Variants in MYO9A observed in about 807,000 individuals in gnomAD.
The protein encoded by MYO9A is unconventional myosin-IXa.
Under a neutral mutation model 293.3 loss-of-function variants are expected in MYO9A, and 103 were observed. The observed-to-expected ratio is 0.35, with a 90% CI of 0.30 to 0.41. The LOEUF (loss-of-function observed/expected upper bound fraction) is 0.41. Ranked by LOEUF, MYO9A falls within the 10% of genes least tolerant of loss-of-function variation. The probability of loss-of-function intolerance (pLI) is 1.00; values close to 1 mark genes in which losing one functional copy is unlikely to be tolerated. For synonymous variants in MYO9A, 1,001 were observed against 1,035.7 expected, an observed-to-expected ratio of 0.97 and a Z score of 0.64; for missense variants, 2,685 against 3,033.0, an observed-to-expected ratio of 0.89 and a Z score of 2.69.
intron 18 of MYO9A, among the ~76,000 whole-genome samples, chr15:71,918,045 G>A (rs1325380033): frequency 6.6e-6 from 1 of 152,016 alleles, no homozygotes; most frequent in Non-Finnish European, 1.5e-5. Context: ...AAGATTATCT[G>A]ACAAGGCAAT....
At chr15:72,023,186 T>A (rs890757103) in intron 4 of MYO9A, among the ~76,000 whole-genome samples, 1 of 151,960 alleles carries the variant, frequency 6.6e-6, no homozygotes, top group Non-Finnish European at 1.5e-5. Flanking sequence ...ACAGCAAATA[T>A]GAGTAGGCAG....
chr15:72,013,725 AAG>A (rs1247843082), intron 6 of MYO9A, among the ~76,000 whole-genome samples: 1 of 152,226 alleles, frequency 6.6e-6, no homozygotes, highest in Non-Finnish European at 1.5e-5. Flanking sequence ...GAGGGAGAGA[AAG>A]AGAAGAGTCA....
chr15:71,929,456 G>GA (rs1319362160), intron 18 of MYO9A, among the ~76,000 whole-genome samples: 3 of 152,142 alleles, frequency 2.0e-5, no homozygotes, highest in Non-Finnish European at 4.4e-5. Context: ...TTATATTGAG[G>GA]AACAGTCCTT....
At chr15:72,116,242 T>C (rs578091700) in intron 1 of MYO9A, among the ~76,000 whole-genome samples, 2 of 152,302 alleles carry the variant, frequency 1.3e-5, no homozygotes, top group African/African-American at 4.8e-5. Flanking sequence ...CGTCTAGTTA[T>C]TATCTATAAT....
chr15:72,074,457 G>C (rs1290988434), intron 1 of MYO9A, among the ~76,000 whole-genome samples: 1 of 152,028 alleles, frequency 6.6e-6, no homozygotes, highest in East Asian at 1.9e-4. Flanking sequence ...ATTCCAGAAA[G>C]GAAAAAGCCC....
At chr15:71,904,369 A>G (rs1248019869) in intron 20 of MYO9A, among the ~76,000 whole-genome samples, 1 of 152,196 alleles carries the variant, frequency 6.6e-6, no homozygotes, top group Non-Finnish European at 1.5e-5. Context: ...AAGATAACCT[A>G]CAACTGGGTG....
intron 4 of MYO9A, among the ~76,000 whole-genome samples, chr15:72,023,484 G>A (rs968978401): frequency 6.6e-6 from 1 of 152,034 alleles, no homozygotes; most frequent in Non-Finnish European, 1.5e-5. Flanking sequence ...CCTGAGGTCA[G>A]GAGTTCGAGG....
Position 71,854,526 on chromosome 15 carries a change from G to C in MYO9A, c.6197C>G (p.Ser2066Cys). The C allele has an allele frequency of 6.2e-7, 1 of 1,609,936 alleles. No individual in the cohort carries two copies. The change falls in exon 35 of 42, where the codon TCC (serine) becomes TGC (cysteine). Residue 2066 changes from serine to cysteine, a missense_variant. By Grantham distance (112) the Ser-to-Cys change is moderately radical. Transcript: ENST00000356056. ...AGTTCGGTCTTCACTGGTCAAACGG[G>C]ACAGTTCAACCCCAAATTGTCGAGA... ...LSSRQFGVEL[S>C]RLTSEDRTVP...
intron 32 of MYO9A, among the ~76,000 whole-genome samples, chr15:71,869,523 T>A (rs149572837): frequency 6.6e-6 from 1 of 152,220 alleles, no homozygotes; most frequent in Non-Finnish European, 1.5e-5. Flanking sequence ...CAATTAAGTG[T>A]AACAAATATC....
chr15:72,010,593 C>T (rs1479009637), intron 6 of MYO9A, 146 bp from the exon 7 acceptor site: 11 of 623,628 alleles, frequency 1.8e-5, no homozygotes, highest in Admixed American at 5.8e-5. Flanking sequence ...TAGTCAAATT[C>T]ATTAGACCTC....
intron 14 of MYO9A, among the ~76,000 whole-genome samples, chr15:71,956,292 A>G (rs2059175419): frequency 1.5e-5 from 2 of 137,280 alleles, no homozygotes; most frequent in Non-Finnish European, 3.1e-5. Flanking sequence ...CACATGCAAC[A>G]CAGCGAAACC....
intron 32 of MYO9A, among the ~76,000 whole-genome samples, chr15:71,865,495 T>G (rs1442180616): frequency 2.0e-5 from 3 of 152,126 alleles, no homozygotes. Context: ...TACTGACACA[T>G]GCTACAACAC....
intron 1 of MYO9A, among the ~76,000 whole-genome samples, chr15:72,093,322 G>C (rs1189167204): frequency 6.6e-6 from 1 of 152,004 alleles, no homozygotes; most frequent in Non-Finnish European, 1.5e-5. Context: ...GAGCCCAGGA[G>C]TTCAACACCA....
At chr15:71,943,089 T>C (rs1260060411) in intron 15 of MYO9A, among the ~76,000 whole-genome samples, 7 of 152,060 alleles carry the variant, frequency 4.6e-5, no homozygotes, top group African/African-American at 1.7e-4. Flanking sequence ...AGAGTTTAAC[T>C]GGTGAGTGTA....
intron 37 of MYO9A, 93 bp downstream of exon 37, chr15:71,851,160 A>G: frequency 1.1e-6 from 1 of 944,586 alleles, no homozygotes. Flanking sequence ...AAAAATAAAT[A>G]CCTGTCAGTC....
chr15:71,895,827 T>A (rs1018995916), intron 25 of MYO9A, among the ~76,000 whole-genome samples: 1 of 152,134 alleles, frequency 6.6e-6, no homozygotes, highest in Non-Finnish European at 1.5e-5. Context: ...TGATTAATAT[T>A]TTTTAGAATC....
rs117437319 is a variant in MYO9A at position 72,050,853 on chromosome 15, A to G, written c.-71-4219T>C. 6.6e-4 allele frequency among the ~76,000 whole-genome samples: 101 copies of G among 152,312 alleles called. 1 individual carries two copies. In the East Asian group the frequency reaches 0.018, roughly 27 times the overall value. Reference sequence around the variant, plus strand: ...CCGGAGAAGTCACAAAATTCCACAGAGTTGGTAATCCAAAGGTCTTTCCTC... The same window carrying G: ...CCGGAGAAGTCACAAAATTCCACAGGGTTGGTAATCCAAAGGTCTTTCCTC... On this transcript the variant is annotated intron_variant, in intron 1 of 41. Transcript: ENST00000356056.
intron 9 of MYO9A, among the ~76,000 whole-genome samples, chr15:71,998,550 C>CTTTTTTTTTTTTTTTT (rs765185033): frequency 9.4e-6 from 1 of 106,188 alleles, no homozygotes; most frequent in Non-Finnish European, 1.8e-5. Flanking sequence ...ATTTGGCTTT[C>CTTTTTTTTTTTTTTTT]TTTTTTTTTT....
intron 14 of MYO9A, among the ~76,000 whole-genome samples, chr15:71,956,023 C>G (rs1335633975): frequency 1.3e-5 from 2 of 151,628 alleles, no homozygotes. Flanking sequence ...TAATGAGAAC[C>G]AGGCATGGTG....
Sources: allele counts gnomAD v4.1 joint callset (sites outside exome capture counted in the v4.1 genomes callset), GRCh38; gene constraint gnomAD v4.1.1; transcripts MANE v1.5; gene names NCBI Gene and HGNC (gene_info 2026-07-23, HGNC 2026-07-21).